The following FAXC variants were observed in gnomAD, a reference collection of about 807,000 sequenced individuals.
FAXC encodes failed axon connections homolog.
FAXC carries 10 observed loss-of-function variants against 41.9 expected under a neutral mutation model. The observed-to-expected ratio is 0.24, with a 90% CI of 0.15 to 0.41. The LOEUF (loss-of-function observed/expected upper bound fraction) is 0.41, where lower values mean the gene tolerates loss of function less well. Ranked by LOEUF, FAXC falls within the 10% of genes least tolerant of loss-of-function variation. The pLI, the probability that FAXC is intolerant of heterozygous loss-of-function variation, is 1.00. For synonymous variants in FAXC, 183 were observed against 183.8 expected (o/e 1.00, Z 0.03); for missense variants, 399 against 510.9 (o/e 0.78, Z 2.11).
intron 5 of FAXC, among the ~76,000 whole-genome samples, chr6:99,283,469 T>C (rs1262198659): frequency 6.6e-6 from 1 of 152,240 alleles, no homozygotes; most frequent in Non-Finnish European, 1.5e-5. Context: ...ATGGATCCCA[T>C]GGACATGTAC....
rs1411464130 is a variant in FAXC at position 99,274,534 on chromosome 6, T to C, written c.*6630A>G. The stretch of plus-strand genomic sequence containing the variant: ...TCCAAACTTCACCATGGAAAAACCA[T>C]CGCTGTCATCAACATTTGAGTTGTC... On this transcript the variant is annotated 3_prime_UTR_variant, in exon 6 of 6. Transcript: ENST00000389677. The C allele has an allele frequency of 6.6e-6, 1 of 152,210 alleles. No homozygotes were observed. Among genetic ancestry groups the C allele is most frequent in the African/African-American group, 2.4e-5 (1 of 41,456 alleles). 9.4% of individuals were successfully genotyped at this position (152,210 alleles called of 1,614,324 possible).
chr6:99,282,806 ACAGATAAG>A (rs1770887883), intron 5 of FAXC, among the ~76,000 whole-genome samples: 1 of 152,238 alleles, frequency 6.6e-6, no homozygotes, highest in Non-Finnish European at 1.5e-5. Flanking sequence ...ATTAGAAAAA[ACAGATAAG>A]CAAAAAATAA....
intron 4 of FAXC, among the ~76,000 whole-genome samples, chr6:99,313,598 G>A (rs1185820117): frequency 6.6e-6 from 1 of 152,064 alleles, no homozygotes; most frequent in Non-Finnish European, 1.5e-5. Context: ...TTCACCCTAT[G>A]GCACCATGTT....
chr6:99,291,774 G>A lies in FAXC; in HGVS notation c.870C>T (p.Ala290=). The change falls in exon 5 of 6, where the codon GCC becomes GCT. Residue 290 remains alanine, a synonymous_variant. Coordinates refer to ENST00000389677, the MANE Select transcript of FAXC (RefSeq NM_032511.4). ...IMGPKLSTLD[A]TVFGHLAQAM... Reference sequence around the variant, plus strand: ...CCTGTGCCAAGTGTCCAAAGACAGTGGCGTCAAGAGTGGAAAGCTTGGGCC... The same window carrying A: ...CCTGTGCCAAGTGTCCAAAGACAGTAGCGTCAAGAGTGGAAAGCTTGGGCC... 4.3e-6 allele frequency: 7 copies of A among 1,614,148 alleles called. No individual in the cohort carries two copies. Among genetic ancestry groups the A allele is most frequent in the Non-Finnish European group, 5.9e-6 (7 of 1,180,026 alleles).
intron 5 of FAXC, among the ~76,000 whole-genome samples, chr6:99,282,148 G>A (rs573382249): frequency 1.8e-4 from 28 of 152,238 alleles, no homozygotes; most frequent in African/African-American, 6.7e-4. Flanking sequence ...TTGGCTTTAG[G>A]AAGCATTTTA....
chr6:99,296,227 C>T (rs932056145), intron 4 of FAXC, among the ~76,000 whole-genome samples: 1 of 152,046 alleles, frequency 6.6e-6, no homozygotes, highest in Non-Finnish European at 1.5e-5. Flanking sequence ...AAGTTAAAGG[C>T]TTCGGACTGC....
intron 4 of FAXC, among the ~76,000 whole-genome samples, chr6:99,319,775 G>T (rs1033576422): frequency 6.6e-6 from 1 of 152,054 alleles, no homozygotes; most frequent in Non-Finnish European, 1.5e-5. Flanking sequence ...TGAATATTTC[G>T]TATAAATCAT....
intron 2 of FAXC, 128 bp from the exon 3 acceptor site, chr6:99,333,675 G>T: frequency 1.3e-6 from 1 of 763,068 alleles, no homozygotes; most frequent in South Asian, 2.0e-5. Context: ...AATGAACTCA[G>T]GGCATAAACT....
At chr6:99,334,470 A>G (rs530861337) in intron 2 of FAXC, 9 of 253,878 alleles carry the variant, frequency 3.5e-5, no homozygotes, top group Admixed American at 1.3e-4. Flanking sequence ...TTGTGCAGTG[A>G]GCAACTTGCA....
chr6:99,315,053 G>C (rs1166427159), intron 4 of FAXC, among the ~76,000 whole-genome samples: 3 of 151,686 alleles, frequency 2.0e-5, no homozygotes, highest in East Asian at 1.9e-4. Context: ...GGCCAACATG[G>C]TGAAAGACCA....
In FAXC at chr6:99,291,806, T is replaced by G; in HGVS notation, c.838A>C (p.Ile280Leu). ...LAGLLGDKKY[I>L]MGPKLSTLDA... ...AGAGTGGAAAGCTTGGGCCCCATGA[T>G]GTACTTCTTATCACCTGCAGTAAAT... Residue 280 changes from isoleucine to leucine, a missense_variant, in exon 5 of 6, where the codon ATC becomes CTC. Ile to Leu is a conservative substitution (Grantham distance 5). Around this residue, in one of 3 missense-constraint regions of FAXC, gnomAD observed 239 missense variants for 352.7 expected, o/e 0.68. Transcript: ENST00000389677. 6.2e-7 allele frequency: 1 copy of G among 1,614,012 alleles called. No homozygotes were observed. Among genetic ancestry groups the G allele is most frequent in the Non-Finnish European group, 8.5e-7 (1 of 1,179,878 alleles).
At chr6:99,320,568 A>C (rs1198279327) in intron 4 of FAXC, among the ~76,000 whole-genome samples, 1 of 152,172 alleles carries the variant, frequency 6.6e-6, no homozygotes, top group East Asian at 1.9e-4. Context: ...GCTTTTCTAG[A>C]TCACACATGC....
At chr6:99,301,462 T>C (rs188341826) in intron 4 of FAXC, among the ~76,000 whole-genome samples, 11 of 152,298 alleles carry the variant, frequency 7.2e-5, no homozygotes, top group Admixed American at 7.2e-4. Context: ...ATGCCTACTA[T>C]GTACCCACAA....
intron 4 of FAXC, among the ~76,000 whole-genome samples, chr6:99,322,818 C>T (rs190398572): frequency 5.8e-4 from 89 of 152,306 alleles, no homozygotes; most frequent in Middle Eastern, 3.4e-3. Flanking sequence ...CTCACCAGCC[C>T]GCGGGTACAC....
intron 2 of FAXC, among the ~76,000 whole-genome samples, chr6:99,339,068 C>G (rs73497699): frequency 0.011 from 1,672 of 152,318 alleles, 29 homozygotes; most frequent in African/African-American, 0.038. Context: ...ACTGCCACCC[C>G]CTTCCCCTCT....
chr6:99,321,390 G>C (rs927494687), intron 4 of FAXC, among the ~76,000 whole-genome samples: 1 of 152,202 alleles, frequency 6.6e-6, no homozygotes, highest in African/African-American at 2.4e-5. Flanking sequence ...CCGTGGGGAT[G>C]GCAGGGAGGT....
At chr6:99,293,710 G>GTC (rs1182119756) in intron 4 of FAXC, among the ~76,000 whole-genome samples, 1 of 101,184 alleles carries the variant, frequency 9.9e-6, no homozygotes, top group Non-Finnish European at 2.3e-5. Flanking sequence ...GTGTGTGTGT[G>GTC]TGTCTGTGTG....
chr6:99,327,081 T>C (rs180693050), intron 3 of FAXC, among the ~76,000 whole-genome samples: 1 of 152,302 alleles, frequency 6.6e-6, no homozygotes, highest in Non-Finnish European at 1.5e-5. Flanking sequence ...CAGAAACTGT[T>C]TGGTCTCTCT....
In FAXC at chr6:99,323,587, C is replaced by T. The variant is rs1772671525; in HGVS notation, c.680G>A (p.Ser227Asn). 6.2e-7 allele frequency: 1 copy of T among 1,614,200 alleles called. No individual in the cohort carries two copies. ...GCACACAACCCACCTCAGCAGGTTG[C>T]TGAAGGGACCACCACCACTAAGAGA... ...MLSLSGGGPF[S>N]NLLRWVVCHI... Residue 227 changes from serine to asparagine, a missense_variant, in exon 4 of 6, where the codon AGC becomes AAC. Physicochemically the swap from Ser to Asn is conservative, Grantham distance 46. Around this residue, in one of 3 missense-constraint regions of FAXC, gnomAD observed 239 missense variants for 352.7 expected, o/e 0.68. Coordinates refer to ENST00000389677, the MANE Select transcript of FAXC (RefSeq NM_032511.4).
Sources: gnomAD v4.1 joint callset for allele counts (sites outside exome capture counted in the v4.1 genomes callset) on GRCh38, gnomAD v4.1.1 for gene constraint, gnomAD v4.1.1 regional missense constraint, MANE v1.5 for transcripts, NCBI Gene and HGNC (gene_info 2026-07-23, HGNC 2026-07-21) for gene names.